The following C12orf42 variants were observed in gnomAD, a reference collection of about 807,000 sequenced individuals.
C12orf42 encodes the protein chromosome 12 open reading frame 42, also known as uncharacterized protein C12orf42.
A neutral mutation model predicts 21.6 loss-of-function variants in C12orf42; 25 were observed. The observed-to-expected ratio is 1.16, with a 90% confidence interval of 0.84 to 1.62. The LOEUF (loss-of-function observed/expected upper bound fraction) is 1.62. Among genes scored for constraint, C12orf42 ranks in the 40% most tolerant of loss-of-function variants. C12orf42 has a pLI of 0.00. For missense variants in C12orf42, 483 were observed against 459.3 expected (o/e 1.05, Z -0.47); for synonymous variants, 174 against 175.0 (o/e 0.99, Z 0.05).
chr12:103,374,013 G>A (rs1048831003), intron 3 of C12orf42, among the ~76,000 whole-genome samples: 1 of 152,186 alleles, frequency 6.6e-6, no homozygotes, highest in African/African-American at 2.4e-5. Flanking sequence ...GCAATGCAGT[G>A]TTAAGGTGAA....
chr12:103,223,351 G>T, the C12orf42 span, among the ~76,000 whole-genome samples: 5 of 152,034 alleles, frequency 3.3e-5, no homozygotes, highest in African/African-American at 9.7e-5. Flanking sequence ...AACATTTGTC[G>T]TATAGAATGA....
the C12orf42 span, among the ~76,000 whole-genome samples, chr12:103,095,850 G>T: frequency 6.6e-6 from 1 of 152,060 alleles, no homozygotes; most frequent in African/African-American, 2.4e-5. Flanking sequence ...CCTGATGTGA[G>T]GTCTCTAAAA....
the C12orf42 span, among the ~76,000 whole-genome samples, chr12:103,106,376 A>G: frequency 6.6e-6 from 1 of 152,120 alleles, no homozygotes; most frequent in Non-Finnish European, 1.5e-5. Flanking sequence ...TGGTGAAAAA[A>G]TAAAATAATG....
chr12:103,470,515 C>G (rs751629519), intron 2 of C12orf42, among the ~76,000 whole-genome samples: 1 of 152,152 alleles, frequency 6.6e-6, no homozygotes, highest in African/African-American at 2.4e-5. Context: ...TTTAAAACTT[C>G]CTTTTTAATT....
chr12:103,399,511 AAAG>A (rs139372776), intron 3 of C12orf42, among the ~76,000 whole-genome samples: 84,727 of 142,428 alleles, frequency 0.59, 26,135 homozygotes, highest in Admixed American at 0.71. Context: ...AAAAAAAAAA[AAAG>A]AAGAAGAAGA....
intron 3 of C12orf42, among the ~76,000 whole-genome samples, chr12:103,377,255 T>C (rs1421553707): frequency 1.3e-5 from 2 of 151,976 alleles, no homozygotes; most frequent in East Asian, 3.9e-4. Context: ...ATTTATCTTA[T>C]GTTAAAAGCC....
chr12:103,301,296 G>A (rs1290969970), downstream of C12orf42, among the ~76,000 whole-genome samples: 1 of 152,178 alleles, frequency 6.6e-6, no homozygotes, highest in Non-Finnish European at 1.5e-5. Flanking sequence ...CTGCATGTAT[G>A]CATATCGGTC....
chr12:103,166,041 A>G, the C12orf42 span, among the ~76,000 whole-genome samples: 1 of 150,630 alleles, frequency 6.6e-6, no homozygotes, highest in South Asian at 2.1e-4. Flanking sequence ...CTCCGTCTCA[A>G]AAAAAAAAGA....
intron 4 of C12orf42, among the ~76,000 whole-genome samples, chr12:103,355,094 T>A (rs1365349729): frequency 6.6e-6 from 1 of 152,138 alleles, no homozygotes; most frequent in East Asian, 1.9e-4. Context: ...AACTGTATCA[T>A]AGAACTCATT....
chr12:103,530,395 T>A, the C12orf42 span, among the ~76,000 whole-genome samples: 4 of 152,132 alleles, frequency 2.6e-5, no homozygotes, highest in Non-Finnish European at 4.4e-5. Flanking sequence ...GCTTTCACTC[T>A]CTCCAGATCG....
the C12orf42 span, among the ~76,000 whole-genome samples, chr12:103,230,394 G>A: frequency 1.3e-5 from 2 of 152,144 alleles, no homozygotes; most frequent in Non-Finnish European, 2.9e-5. Context: ...AAGCTGGCTT[G>A]GTACCAAGGA....
chr12:103,506,874 A>T, the C12orf42 span, among the ~76,000 whole-genome samples: 1 of 74,402 alleles, frequency 1.3e-5, no homozygotes, highest in Non-Finnish European at 2.3e-5. Context: ...ATATATATTT[A>T]TATATTATAT....
chr12:103,230,440 A>C, the C12orf42 span, among the ~76,000 whole-genome samples: 1 of 152,212 alleles, frequency 6.6e-6, no homozygotes, highest in Non-Finnish European at 1.5e-5. Flanking sequence ...CATGGATGTG[A>C]TAGCCCTTCA....
chr12:103,263,119 G>A (rs890596463), intron 10 of C12orf42, among the ~76,000 whole-genome samples: 16 of 151,970 alleles, frequency 1.1e-4, no homozygotes, highest in African/African-American at 3.9e-4. Flanking sequence ...ACTTGGACAC[G>A]GTGGGGGAAT....
the C12orf42 span, among the ~76,000 whole-genome samples, chr12:103,054,964 T>A: frequency 6.6e-6 from 1 of 151,908 alleles, no homozygotes; most frequent in Non-Finnish European, 1.5e-5. Flanking sequence ...GTATTACTAC[T>A]ATTTGTTTAT....
the C12orf42 span, among the ~76,000 whole-genome samples, chr12:103,068,073 G>C: frequency 6.6e-6 from 1 of 152,154 alleles, no homozygotes; most frequent in Non-Finnish European, 1.5e-5. Context: ...ACCTGCTGAG[G>C]TGTTTCCTGA....
chr12:103,519,847 A>G, the C12orf42 span, among the ~76,000 whole-genome samples: 2,137 of 152,248 alleles, frequency 0.014, 46 homozygotes, highest in African/African-American at 0.048. Context: ...ATGAGGCTGA[A>G]AAGGTCATGG....
At chr12:103,108,585 T>C in the C12orf42 span, among the ~76,000 whole-genome samples, 1 of 152,232 alleles carries the variant, frequency 6.6e-6, no homozygotes, top group Admixed American at 6.5e-5. Flanking sequence ...TTAAAAACTT[T>C]TAACAAAATG....
intron 4 of C12orf42, chr12:103,368,014 G>A: frequency 1.6e-6 from 2 of 1,227,772 alleles, no homozygotes; most frequent in South Asian, 2.6e-5. Flanking sequence ...GCAGTTACCT[G>A]CTTTATCAGT....
Sources: gnomAD v4.1 joint callset for allele counts (sites outside exome capture counted in the v4.1 genomes callset) on GRCh38, gnomAD v4.1.1 for gene constraint, MANE v1.5 for transcripts, NCBI Gene and HGNC (gene_info 2026-07-23, HGNC 2026-07-21) for gene names.